Variants in SSR1 observed in about 807,000 individuals in gnomAD.
The protein encoded by SSR1 is translocon-associated protein subunit alpha.
A neutral mutation model predicts 36.1 loss-of-function variants in SSR1; 13 were observed. The observed-to-expected ratio is 0.36, with a 90% CI of 0.23 to 0.57. The LOEUF is 0.57. SSR1 is among the 20% of genes least tolerant of loss of function. SSR1 has a pLI of 0.81. For synonymous variants in SSR1, 113 were observed against 118.9 expected, an observed-to-expected ratio of 0.95 and a Z score of 0.32; for missense variants, 291 against 338.5, an observed-to-expected ratio of 0.86 and a Z score of 1.10.
intron 7 of SSR1, among the ~76,000 whole-genome samples, chr6:7,293,320 T>C (rs1757724113): frequency 1.3e-5 from 2 of 152,104 alleles, no homozygotes; most frequent in Non-Finnish European, 2.9e-5. Flanking sequence ...CGATAACCCA[T>C]GTGTAGTCTT....
intron 2 of SSR1, among the ~76,000 whole-genome samples, chr6:7,304,359 C>T (rs536561215): frequency 7.2e-5 from 11 of 152,326 alleles, no homozygotes; most frequent in African/African-American, 2.6e-4. Flanking sequence ...TGAAAGCAGC[C>T]TCAGACAATA....
At chr6:7,308,904 G>A (rs1281218675) in intron 2 of SSR1, among the ~76,000 whole-genome samples, 3 of 152,194 alleles carry the variant, frequency 2.0e-5, no homozygotes, top group African/African-American at 7.2e-5. Context: ...GAGACCCACA[G>A]AGATAAGTCA....
chr6:7,300,931 C>T (rs116292137), intron 4 of SSR1, among the ~76,000 whole-genome samples: 17,651 of 152,266 alleles, frequency 0.12, 1,109 homozygotes, highest in Middle Eastern at 0.2. Flanking sequence ...GTGTGAGCCA[C>T]TGTACCCAGC....
chr6:7,303,872 A>C (rs779034304), intron 2 of SSR1, among the ~76,000 whole-genome samples: 7 of 152,186 alleles, frequency 4.6e-5, no homozygotes, highest in Non-Finnish European at 1.0e-4. Context: ...CTGTAATCCC[A>C]GCTACTCGGA....
chr6:7,311,328 A>C (rs1349086676), intron 1 of SSR1, among the ~76,000 whole-genome samples: 1 of 152,220 alleles, frequency 6.6e-6, no homozygotes, highest in Non-Finnish European at 1.5e-5. Flanking sequence ...GTCTTCCAAC[A>C]TCTCTCAGAA....
rs1024582770 is a variant in SSR1, at chr6:7,304,802, T to C, written c.193-1165A>G. Among the ~76,000 whole-genome samples, 50 of 152,226 alleles carry C rather than the reference T, an allele frequency of 3.3e-4. 4 individuals carry two copies. Among genetic ancestry groups the C allele is most frequent in the Non-Finnish European group, 2.9e-5 (2 of 68,038 alleles). ...ATTGAGATGCTTCAGGATGCCATTG[T>C]TTATTGGCATTTAACTTTTCACTTA... On this transcript the variant is annotated intron_variant, in intron 2 of 7. Coordinates refer to ENST00000244763, the MANE Select transcript of SSR1 (RefSeq NM_003144.5).
chr6:7,311,730 TAACA>T (rs370923619), intron 1 of SSR1, among the ~76,000 whole-genome samples: 1 of 151,098 alleles, frequency 6.6e-6, no homozygotes, highest in East Asian at 1.9e-4. Flanking sequence ...CCATGAAGTC[TAACA>T]GTCTTCATTC....
chr6:7,294,916 G>C, intron 7 of SSR1: 1 of 485,862 alleles, frequency 2.1e-6, no homozygotes. Context: ...AAAATAAATT[G>C]TCGGGTAATA....
At position 7,310,036 on chromosome 6, in the gene SSR1, A is replaced by C. The variant is rs201050008; in HGVS notation, c.80-7T>G. 1.1e-3 allele frequency: 1,747 copies of C among 1,602,664 alleles called. 30 individuals carry two copies. In the South Asian group the frequency reaches 0.017, roughly 16 times the overall value. ...TGTGCCACTGCTAACAAGCCTAATG[A>C]TAAAATACAGAAAAAGCAGTTACCC... On this transcript the variant is annotated splice_polypyrimidine_tract_variant and splice_region_variant and intron_variant, in intron 1 of 7. Coordinates refer to ENST00000244763, the MANE Select transcript of SSR1 (RefSeq NM_003144.5).
chr6:7,307,384 A>T (rs904037661), intron 2 of SSR1, among the ~76,000 whole-genome samples: 1 of 152,228 alleles, frequency 6.6e-6, no homozygotes, highest in Non-Finnish European at 1.5e-5. Context: ...ACACTTCTGT[A>T]CTAATTGGCC....
At position 7,281,749 on chromosome 6, in the gene SSR1, A is replaced by G. The variant is rs1023550146; in HGVS notation, c.*8115T>C. The stretch of plus-strand genomic sequence containing the variant: ...GATAAACGAGTCATGTTGAATGACA[A>G]AAAGTTAGACTGGGGAGATTTATGG... On this transcript the variant is annotated 3_prime_UTR_variant, in exon 8 of 8. Transcript: ENST00000244763. The G allele has an allele frequency of 2.0e-5, 3 of 152,260 alleles. No homozygotes were observed. The highest frequency in any genetic ancestry group is 7.2e-5 in the African/African-American group (3 of 41,476). 9.4% of individuals were successfully genotyped at this position (152,260 alleles called of 1,614,324 possible). A position where few individuals can be genotyped will look rare whatever the true frequency, so the allele number is the denominator to read the frequency against.
chr6:7,301,314 A>G lies in SSR1; in HGVS notation c.539T>C (p.Leu180Ser), dbSNP rs774967618. The G allele has an allele frequency of 1.6e-5, 26 of 1,613,192 alleles. No individual in the cohort carries two copies. In the South Asian group the frequency reaches 2.5e-4, roughly 16 times the overall value. Residue 180 changes from leucine to serine, a missense_variant, in exon 4 of 8, where the codon TTG becomes TCG. Physicochemically the swap from Leu to Ser is moderately radical, Grantham distance 145. Transcript: ENST00000244763. ...AGAAGGTTTAGAGGATCTTACGTTC[A>G]AATCTTTGTAGTTCAGATTGATGAC... The part of the protein sequence containing the change: ...GLVINLNYKD[L>S]NGNVFQDAVF...
At chr6:7,306,927 G>T (rs987366002) in intron 2 of SSR1, among the ~76,000 whole-genome samples, 31 of 146,420 alleles carry the variant, frequency 2.1e-4, no homozygotes, top group Non-Finnish European at 3.0e-4. Flanking sequence ...GGTGGTGGGG[G>T]GGTGGGGGAA....
chr6:7,306,448 A>T lies in SSR1; in HGVS notation c.193-2811T>A, dbSNP rs150061509. ...GTGAGCCACTGCACCTGGCTAAATA[A>T]TTTTTTTTAAGTTAGTTAGTGTTAT... is the stretch of plus-strand genomic sequence containing the variant. On this transcript the variant is annotated intron_variant, in intron 2 of 7. Coordinates refer to ENST00000244763, the MANE Select transcript of SSR1 (RefSeq NM_003144.5). Among the ~76,000 whole-genome samples, 56 of 151,950 alleles carry T rather than the reference A, an allele frequency of 3.7e-4. No individual in the cohort carries two copies. In the East Asian group the frequency reaches 8.6e-3, roughly 23 times the overall value.
intron 3 of SSR1, among the ~76,000 whole-genome samples, chr6:7,302,740 A>G (rs1757964634): frequency 6.6e-6 from 1 of 150,666 alleles, no homozygotes; most frequent in African/African-American, 2.4e-5. Flanking sequence ...GCAGCCTGGC[A>G]ACAGAGCAAG....
intron 7 of SSR1, chr6:7,295,065 AT>A: frequency 6.7e-7 from 1 of 1,494,976 alleles, no homozygotes; most frequent in Non-Finnish European, 8.8e-7. Flanking sequence ...AGCAAAAACC[AT>A]TAAAAAAATT....
At chr6:7,309,755 G>T in intron 2 of SSR1, 162 bp downstream of exon 2, 1 of 634,378 alleles carries the variant, frequency 1.6e-6, no homozygotes, top group Non-Finnish European at 2.8e-6. Context: ...TGCCATGATG[G>T]TAAGTTTCCT....
intron 4 of SSR1, 72 bp downstream of exon 4, chr6:7,301,238 T>C: frequency 2.6e-6 from 4 of 1,532,296 alleles, no homozygotes; most frequent in East Asian, 2.2e-5. Flanking sequence ...TGAACAGATA[T>C]ATTCTATTAA....
rs1315469472 is a variant in SSR1 at position 7,287,368 on chromosome 6, G to T, written c.*2496C>A. 1 of 152,132 alleles carries T rather than the reference G, an allele frequency of 6.6e-6. No homozygotes were observed. The highest frequency in any genetic ancestry group is 1.5e-5 in the Non-Finnish European group (1 of 68,016). 9.4% of individuals were successfully genotyped at this position (152,132 alleles called of 1,614,324 possible). Reference sequence around the variant, plus strand: ...TCTTATCAAAATCACATTTTCTGAAGGTACTTGAAGTTAAAAACCTTATTA... The same window carrying T: ...TCTTATCAAAATCACATTTTCTGAATGTACTTGAAGTTAAAAACCTTATTA... On this transcript the variant is annotated 3_prime_UTR_variant, in exon 8 of 8. Transcript: ENST00000244763.
Sources: gnomAD v4.1 joint callset for allele counts (sites outside exome capture counted in the v4.1 genomes callset) on GRCh38, gnomAD v4.1.1 for gene constraint, MANE v1.5 for transcripts, NCBI Gene and HGNC (gene_info 2026-07-23, HGNC 2026-07-21) for gene names.